The following MLLT10 variants were observed in gnomAD, a reference collection of about 807,000 sequenced individuals.
MLLT10 encodes the protein protein AF-10.
A neutral mutation model predicts 129.1 loss-of-function variants in MLLT10; 30 were observed. The ratio of observed to expected loss-of-function variants is 0.23; its 90% CI spans 0.17 to 0.32. The LOEUF is 0.32. Among genes scored for constraint, MLLT10 ranks in the 10% least tolerant of loss-of-function variants. The probability of loss-of-function intolerance (pLI) is 1.00; values close to 1 mark genes in which losing one functional copy is unlikely to be tolerated. For synonymous variants in MLLT10, 490 were observed against 446.4 expected (o/e 1.10, Z -1.23); for missense variants, 1,119 against 1,268.3 (o/e 0.88, Z 1.79).
intron 13 of MLLT10, among the ~76,000 whole-genome samples, chr10:21,706,896 C>T (rs1398225815): frequency 1.3e-5 from 2 of 152,194 alleles, no homozygotes; most frequent in African/African-American, 4.8e-5. Context: ...TGAGAAGTCA[C>T]TGCCATCTCT....
rs370318769 is a variant in MLLT10, at chr10:21,734,176, C to T, written c.2858+47C>T. 1.8e-5 allele frequency: 27 copies of T among 1,538,596 alleles called. No individual in the cohort carries two copies. In the African/African-American group the frequency reaches 3.0e-4, roughly 17 times the overall value. ...TGGGTTTTTTAGTATAACAGAGTAC[C>T]GGTGTTGTCTATGCCTTAGATTGGG... is the stretch of plus-strand genomic sequence containing the variant. On this transcript the variant is annotated intron_variant, in intron 20 of 22. Coordinates refer to ENST00000307729, the MANE Select transcript of MLLT10 (RefSeq NM_001195626.3).
intron 8 of MLLT10, among the ~76,000 whole-genome samples, chr10:21,629,828 G>C: frequency 6.6e-6 from 1 of 152,128 alleles, no homozygotes. Flanking sequence ...CAGATTTGCT[G>C]GGCTTGCGTG....
At chr10:21,662,561 G>C (rs1305011593) in intron 9 of MLLT10, among the ~76,000 whole-genome samples, 1 of 151,900 alleles carries the variant, frequency 6.6e-6, no homozygotes, top group Non-Finnish European at 1.5e-5. Context: ...TGGCATTTCT[G>C]ATTTGCTTTC....
chr10:21,626,336 A>G (rs1381467160), intron 8 of MLLT10: 7 of 812,098 alleles, frequency 8.6e-6, no homozygotes, highest in South Asian at 1.5e-5. Context: ...AGTGCAAGGC[A>G]TTTTGAAAAT....
At chr10:21,674,030 A>G in intron 11 of MLLT10, 111 bp downstream of exon 11, 1 of 803,270 alleles carries the variant, frequency 1.2e-6, no homozygotes, top group Non-Finnish European at 1.8e-6. Flanking sequence ...AATAAATGAC[A>G]TTTAATTAAA....
intron 3 of MLLT10, among the ~76,000 whole-genome samples, chr10:21,579,052 A>T (rs2041095331): frequency 6.6e-6 from 1 of 152,214 alleles, no homozygotes; most frequent in Non-Finnish European, 1.5e-5. Flanking sequence ...TCTTTTGGTG[A>T]TAAATTGTGT....
upstream of MLLT10, among the ~76,000 whole-genome samples, chr10:21,533,859 G>A (rs532608687): frequency 1.3e-5 from 2 of 152,334 alleles, no homozygotes; most frequent in South Asian, 4.1e-4. Flanking sequence ...CCCAGGGCAC[G>A]GAGATGATGC....
intron 3 of MLLT10, among the ~76,000 whole-genome samples, chr10:21,558,440 A>T (rs1463970719): frequency 6.6e-6 from 1 of 152,044 alleles, no homozygotes; most frequent in Admixed American, 6.6e-5. Context: ...TGGGTGACAG[A>T]GGAGACCCTA....
chr10:21,726,294 T>C lies in MLLT10; in HGVS notation c.1929T>C (p.Tyr643=). 1.2e-6 allele frequency: 2 copies of C among 1,613,550 alleles called. No individual in the cohort carries two copies. Among genetic ancestry groups the C allele is most frequent in the Non-Finnish European group, 1.7e-6 (2 of 1,179,674 alleles). ...SSLSQAPSHM[Y]GNRSNSSMAA... is the part of the protein sequence containing the mutation. ...TCAGTCAGGCACCATCTCATATGTATGGCAATAGATCAAATTCATCAATGG... is the reference window on the plus strand; with the variant it reads ...TCAGTCAGGCACCATCTCATATGTACGGCAATAGATCAAATTCATCAATGG... Residue 643 remains tyrosine (Y), a synonymous_variant, in exon 15 of 23, where the codon TAT becomes TAC. Transcript: ENST00000307729.
At chr10:21,738,035 G>A (rs1370828148) in intron 21 of MLLT10, among the ~76,000 whole-genome samples, 1 of 151,950 alleles carries the variant, frequency 6.6e-6, no homozygotes, top group African/African-American at 2.4e-5. Context: ...TTTGGGAGAC[G>A]GAGGTGGGCG....
At chr10:21,690,276 G>T (rs1428933015) in intron 13 of MLLT10, among the ~76,000 whole-genome samples, 1 of 152,050 alleles carries the variant, frequency 6.6e-6, no homozygotes, top group Non-Finnish European at 1.5e-5. Flanking sequence ...AAGTGAACAT[G>T]TAGAAAAATT....
At chr10:21,688,729 T>C (rs1307682771) in intron 13 of MLLT10, among the ~76,000 whole-genome samples, 1 of 152,170 alleles carries the variant, frequency 6.6e-6, no homozygotes, top group African/African-American at 2.4e-5. Flanking sequence ...GTTGTAGTTA[T>C]TTGGATTTGT....
chr10:21,668,716 G>A (rs2051095140), intron 9 of MLLT10, among the ~76,000 whole-genome samples: 1 of 151,978 alleles, frequency 6.6e-6, no homozygotes, highest in Admixed American at 6.5e-5. Context: ...TTATACTTGA[G>A]GGTTTGATCA....
At chr10:21,628,066 T>C (rs903448767) in intron 8 of MLLT10, among the ~76,000 whole-genome samples, 1 of 152,230 alleles carries the variant, frequency 6.6e-6, no homozygotes, top group Admixed American at 6.5e-5. Context: ...CTAAGGGCCA[T>C]GAGGTTTCTA....
intron 8 of MLLT10, among the ~76,000 whole-genome samples, chr10:21,629,529 T>C (rs1202966362): frequency 6.6e-6 from 1 of 152,200 alleles, no homozygotes; most frequent in African/African-American, 2.4e-5. Context: ...TTATTAAATT[T>C]TCACCCACAA....
intron 8 of MLLT10, among the ~76,000 whole-genome samples, chr10:21,635,670 G>T (rs1456545724): frequency 6.6e-6 from 1 of 151,730 alleles, no homozygotes; most frequent in Non-Finnish European, 1.5e-5. Flanking sequence ...TTATATTTGG[G>T]ATTCAGAAAG....
At chr10:21,638,094 G>A (rs781732088) in intron 8 of MLLT10, among the ~76,000 whole-genome samples, 10 of 150,484 alleles carry the variant, frequency 6.6e-5, no homozygotes, top group South Asian at 2.1e-4. Flanking sequence ...GCATTTCTAC[G>A]TGCTGCTCTT....
At chr10:21,689,090 GTGAGTATCTTCAA>G (rs1000664877) in intron 13 of MLLT10, among the ~76,000 whole-genome samples, 5 of 151,874 alleles carry the variant, frequency 3.3e-5, no homozygotes, top group African/African-American at 1.2e-4. Flanking sequence ...TTTATAGGCT[GTGAGTATCTTCAA>G]TATGGCACTT....
intron 18 of MLLT10, 61 bp downstream of exon 18, chr10:21,733,148 T>C: frequency 4.1e-6 from 6 of 1,458,956 alleles, no homozygotes; most frequent in Non-Finnish European, 5.6e-6. Context: ...TTATTTGTAT[T>C]ATAAGTGAGT....
Sources: allele counts gnomAD v4.1 joint callset (sites outside exome capture counted in the v4.1 genomes callset), GRCh38; gene constraint gnomAD v4.1.1; transcripts MANE v1.5; gene names NCBI Gene and HGNC (gene_info 2026-07-23, HGNC 2026-07-21).